The following IGF2BP3 variants were observed in gnomAD, a reference collection of about 807,000 sequenced individuals.
IGF2BP3 encodes the protein insulin like growth factor 2 mRNA binding protein 3.
In IGF2BP3, 9 loss-of-function variants were observed where a neutral mutation model predicts 73.8. The observed-to-expected ratio is 0.12, with a 90% confidence interval of 0.07 to 0.21. IGF2BP3 has a LOEUF of 0.21. Among genes scored for constraint, IGF2BP3 ranks in the 10% least tolerant of loss-of-function variants. IGF2BP3 has a pLI of 1.00. For synonymous variants in IGF2BP3, 258 were observed against 256.7 expected, an observed-to-expected ratio of 1.01 and a Z score of -0.05; for missense variants, 542 against 714.0, an observed-to-expected ratio of 0.76 and a Z score of 2.75.
At chr7:23,411,984 C>CTTTTTTTTTTTT (rs767524257) in intron 3 of IGF2BP3, among the ~76,000 whole-genome samples, 8 of 104,828 alleles carry the variant, frequency 7.6e-5, no homozygotes, top group Admixed American at 9.7e-5. Context: ...ACTTATTTCT[C>CTTTTTTTTTTTT]TTTTTTTTTT....
chr7:23,403,270 CA>C (rs1222768089), intron 3 of IGF2BP3, among the ~76,000 whole-genome samples: 1 of 152,172 alleles, frequency 6.6e-6, no homozygotes, highest in African/African-American at 2.4e-5. Flanking sequence ...GTCTCAACAC[CA>C]GTATTGGTCC....
intron 10 of IGF2BP3, among the ~76,000 whole-genome samples, chr7:23,339,888 AAAGTT>A (rs1342654174): frequency 1.3e-5 from 2 of 152,224 alleles, no homozygotes; most frequent in Non-Finnish European, 1.5e-5. Flanking sequence ...GGACATGTTC[AAAGTT>A]AAGTCCCTAG....
At chr7:23,399,762 A>G (rs538642872) in intron 3 of IGF2BP3, among the ~76,000 whole-genome samples, 105 of 152,344 alleles carry the variant, frequency 6.9e-4, no homozygotes, top group Admixed American at 1.8e-3. Context: ...ACAGTGAAGC[A>G]ATATTGATCA....
chr7:23,409,454 A>C (rs1351969020), intron 3 of IGF2BP3, among the ~76,000 whole-genome samples: 1 of 152,216 alleles, frequency 6.6e-6, no homozygotes, highest in Non-Finnish European at 1.5e-5. Context: ...CACAATTCTG[A>C]AAAACAATAA....
intron 10 of IGF2BP3, among the ~76,000 whole-genome samples, chr7:23,334,391 C>T (rs1784520147): frequency 6.6e-6 from 1 of 152,168 alleles, no homozygotes; most frequent in African/African-American, 2.4e-5. Context: ...AAGCCTGTGT[C>T]AGGATTTGGA....
At chr7:23,338,137 G>A (rs763247667) in intron 10 of IGF2BP3, among the ~76,000 whole-genome samples, 1 of 152,110 alleles carries the variant, frequency 6.6e-6, no homozygotes, top group Non-Finnish European at 1.5e-5. Context: ...AGAGGTTTTT[G>A]GCATGATATT....
chr7:23,407,250 G>A (rs1360668004), intron 3 of IGF2BP3, among the ~76,000 whole-genome samples: 3 of 145,808 alleles, frequency 2.1e-5, no homozygotes, highest in Non-Finnish European at 4.5e-5. Flanking sequence ...CACTACAAAC[G>A]ACCCAAGATG....
intron 2 of IGF2BP3, among the ~76,000 whole-genome samples, chr7:23,458,801 T>A (rs1692900678): frequency 6.6e-6 from 1 of 152,202 alleles, no homozygotes; most frequent in Non-Finnish European, 1.5e-5. Context: ...AGAAGATAAA[T>A]CAACCCTTCA....
At chr7:23,411,669 T>C (rs11978235) in intron 3 of IGF2BP3, among the ~76,000 whole-genome samples, 7,463 of 152,188 alleles carry the variant, frequency 0.049, 577 homozygotes, top group African/African-American at 0.17. Context: ...TAACACAGCA[T>C]CAAAAACAAT....
At chr7:23,400,827 C>A (rs1199749710) in intron 3 of IGF2BP3, among the ~76,000 whole-genome samples, 1 of 152,136 alleles carries the variant, frequency 6.6e-6, no homozygotes, top group South Asian at 2.1e-4. Flanking sequence ...TGAGATGGAG[C>A]CTTGCTCTGT....
intron 9 of IGF2BP3, among the ~76,000 whole-genome samples, 163 bp downstream of exon 9, chr7:23,343,555 C>G (rs1035802709): frequency 6.6e-6 from 1 of 152,148 alleles, no homozygotes; most frequent in African/African-American, 2.4e-5. Context: ...AATGTCAAAG[C>G]CAGTATCTTC....
At chr7:23,390,831 C>T (rs1261882824) in intron 3 of IGF2BP3, among the ~76,000 whole-genome samples, 4 of 149,024 alleles carry the variant, frequency 2.7e-5, no homozygotes, top group African/African-American at 9.9e-5. Context: ...CAGAGTCTCG[C>T]TCTGTTGCCC....
chr7:23,388,220 AGCCACTGT>A (rs1786150886), intron 3 of IGF2BP3, among the ~76,000 whole-genome samples: 1 of 152,172 alleles, frequency 6.6e-6, no homozygotes, highest in Admixed American at 6.6e-5. Context: ...TACAGGCTTG[AGCCACTGT>A]GCCCGGCCTA....
chr7:23,433,017 A>C (rs1787724630), intron 2 of IGF2BP3, among the ~76,000 whole-genome samples: 1 of 152,216 alleles, frequency 6.6e-6, no homozygotes, highest in Admixed American at 6.5e-5. Context: ...ATTTAAATAA[A>C]AGCCTCACTG....
intron 3 of IGF2BP3, among the ~76,000 whole-genome samples, chr7:23,387,401 G>T (rs1468885284): frequency 6.6e-6 from 1 of 152,170 alleles, no homozygotes; most frequent in East Asian, 1.9e-4. Context: ...TAGTGTCCCA[G>T]ACAGGATCAT....
chr7:23,368,318 G>A (rs963122935), intron 3 of IGF2BP3, among the ~76,000 whole-genome samples: 8 of 122,056 alleles, frequency 6.6e-5, no homozygotes, highest in African/African-American at 1.6e-4. Context: ...GAGAAAGAGA[G>A]AGAGAAAGAA....
At chr7:23,429,616 C>T (rs1397773416) in intron 2 of IGF2BP3, among the ~76,000 whole-genome samples, 1 of 152,136 alleles carries the variant, frequency 6.6e-6, no homozygotes, top group African/African-American at 2.4e-5. Context: ...CAATATTTTC[C>T]CTTTACACCT....
At chr7:23,363,608 G>A (rs1785288781) in intron 3 of IGF2BP3, among the ~76,000 whole-genome samples, 1 of 151,988 alleles carries the variant, frequency 6.6e-6, no homozygotes. Flanking sequence ...TTTTTATTTG[G>A]TAAATTTCCT....
chr7:23,391,839 G>GC lies in IGF2BP3; in HGVS notation c.285+26936dup, dbSNP rs1786286841. On this transcript the variant is annotated intron_variant, in intron 3 of 14. Transcript: ENST00000258729. ...AGATCAAAATGAGTAAGAACTTGAG[G>GC]CAAGGAGAAGGAATGTTTCTGTTTT... Among the ~76,000 whole-genome samples the GC allele has an allele frequency of 2.6e-5, 4 of 152,302 alleles. No individual in the cohort carries two copies. In the South Asian group the frequency reaches 8.3e-4, roughly 32 times the overall value.
Sources: gnomAD v4.1 joint callset for allele counts (sites outside exome capture counted in the v4.1 genomes callset) on GRCh38, gnomAD v4.1.1 for gene constraint, MANE v1.5 for transcripts, NCBI Gene and HGNC (gene_info 2026-07-23, HGNC 2026-07-21) for gene names.